The following ZFAT variants were observed in gnomAD, a reference collection of about 807,000 sequenced individuals.
ZFAT encodes the protein zinc finger and AT-hook domain containing.
A neutral mutation model predicts 117.7 loss-of-function variants in ZFAT; 64 were observed. The observed-to-expected ratio is 0.54, with a 90% CI of 0.44 to 0.67. ZFAT has a LOEUF of 0.67. ZFAT is among the 30% of genes least tolerant of loss of function. The pLI is 0.00. For missense variants in ZFAT, 1,433 were observed against 1,584.5 expected (o/e 0.90, Z 1.62); for synonymous variants, 679 against 615.0 (o/e 1.10, Z -1.54).
chr8:134,804,420 T>G, the ZFAT span, among the ~76,000 whole-genome samples: 7 of 152,032 alleles, frequency 4.6e-5, no homozygotes, highest in Non-Finnish European at 1.0e-4. Context: ...CGGAGAAAAA[T>G]GTTGCACACA....
At chr8:134,788,529 G>T in the ZFAT span, among the ~76,000 whole-genome samples, 6 of 151,938 alleles carry the variant, frequency 3.9e-5, no homozygotes, top group Non-Finnish European at 8.8e-5. Context: ...ACTCAAAATA[G>T]GGTAAATTTT....
chr8:134,738,075 T>C, the ZFAT span, among the ~76,000 whole-genome samples: 1 of 152,308 alleles, frequency 6.6e-6, no homozygotes, highest in East Asian at 1.9e-4. Flanking sequence ...CTTGTCATTA[T>C]CTCAGTTCCT....
chr8:134,703,463 C>T (rs980490652), intron 1 of ZFAT, among the ~76,000 whole-genome samples: 3 of 152,220 alleles, frequency 2.0e-5, no homozygotes, highest in Non-Finnish European at 4.4e-5. Context: ...GGCCACCTAA[C>T]GGCTCATGCC....
chr8:134,758,551 C>T, the ZFAT span, among the ~76,000 whole-genome samples: 2 of 152,188 alleles, frequency 1.3e-5, no homozygotes, highest in Non-Finnish European at 2.9e-5. Context: ...AGGCTTGTTG[C>T]CTCATGTTTG....
chr8:134,576,694 T>G (rs1301001832), intron 10 of ZFAT, among the ~76,000 whole-genome samples: 1 of 152,006 alleles, frequency 6.6e-6, no homozygotes, highest in Non-Finnish European at 1.5e-5. Context: ...CAAAACTCCA[T>G]ACTTAGATCT....
intron 11 of ZFAT, among the ~76,000 whole-genome samples, chr8:134,536,723 G>A (rs945491644): frequency 3.9e-5 from 6 of 152,146 alleles, no homozygotes; most frequent in African/African-American, 1.2e-4. Context: ...GGAATACATG[G>A]CAAATGAGGC....
intron 11 of ZFAT, among the ~76,000 whole-genome samples, chr8:134,556,050 A>C (rs1254169332): frequency 2.1e-5 from 2 of 93,270 alleles, no homozygotes; most frequent in African/African-American, 3.9e-5. Flanking sequence ...GAAGGAAGGA[A>C]GGAAGGAAGG....
intron 3 of ZFAT, among the ~76,000 whole-genome samples, chr8:134,631,801 A>G (rs1336263861): frequency 6.6e-6 from 1 of 152,204 alleles, no homozygotes; most frequent in Non-Finnish European, 1.5e-5. Context: ...ACTGCGCTAG[A>G]GTTGTGTAGG....
At chr8:134,519,864 T>C (rs556521556) in intron 13 of ZFAT, among the ~76,000 whole-genome samples, 1 of 152,276 alleles carries the variant, frequency 6.6e-6, no homozygotes, top group African/African-American at 2.4e-5. Context: ...TCAAATTCTA[T>C]TTACTCTTTT....
Position 134,657,578 on chromosome 8 carries a change from G to C in ZFAT, c.179C>G (p.Ser60Ter). 6.2e-7 allele frequency: 1 copy of C among 1,612,092 alleles called. No individual in the cohort carries two copies. Among genetic ancestry groups the C allele is most frequent in the Non-Finnish European group, 8.5e-7 (1 of 1,178,724 alleles). The change falls in exon 2 of 16, where the codon TCA (serine) becomes TGA (stop). Residue 60 changes from serine to a stop codon, truncating the protein, a stop_gained. Transcript: ENST00000377838. LOFTEE classifies it high-confidence loss of function. ...CCCCTTACCATCTCCGGTTTTGCTT[G>C]AGTTGGGGGGTTCAGGTGTACTCAG... ...RPLSTPEPPNSSKTGDEFLVM... is the reference protein window; with the variant it reads ...RPLSTPEPPN
At chr8:134,755,832 AAAAAG>A in the ZFAT span, among the ~76,000 whole-genome samples, 1 of 150,844 alleles carries the variant, frequency 6.6e-6, no homozygotes, top group African/African-American at 2.4e-5. Context: ...AAAAAAAAAA[AAAAAG>A]AAAAAGAAAA....
rs869042256 is a variant in ZFAT, at chr8:134,638,565, C to CAAA, written c.197-856_197-854dup. On this transcript the variant is annotated intron_variant, in intron 2 of 15. Coordinates refer to ENST00000377838, the MANE Select transcript of ZFAT (RefSeq NM_020863.4). ...CTAAAAATACAAAAAAAAAACAAAA[C>CAAA]AAAAAAAAAAAACATTAACCAGGCG... Among the ~76,000 whole-genome samples, 2 of 64,996 alleles carry CAAA rather than the reference C, an allele frequency of 3.1e-5. 1 individual carries two copies. The highest frequency in any genetic ancestry group is 5.3e-5 in the Non-Finnish European group (2 of 37,666). The allele number at this position is 64,996 out of a possible 152,430, so 42.6% of individuals were successfully genotyped here.
At chr8:134,827,528 G>A in the ZFAT span, among the ~76,000 whole-genome samples, 2 of 151,958 alleles carry the variant, frequency 1.3e-5, no homozygotes, top group African/African-American at 4.8e-5. Context: ...AGCACTTTGG[G>A]GGGCCCAGGA....
At chr8:134,679,693 C>A (rs536888295) in intron 1 of ZFAT, among the ~76,000 whole-genome samples, 1 of 152,108 alleles carries the variant, frequency 6.6e-6, no homozygotes, top group Admixed American at 6.5e-5. Context: ...AACCCAAATG[C>A]CCATCAGTGA....
chr8:134,825,753 G>T, the ZFAT span, among the ~76,000 whole-genome samples: 4 of 152,332 alleles, frequency 2.6e-5, no homozygotes, highest in Non-Finnish European at 2.9e-5. Flanking sequence ...GGGCGCGGTG[G>T]CTCATGCCTG....
intron 11 of ZFAT, among the ~76,000 whole-genome samples, chr8:134,540,837 A>T (rs1563825958): frequency 6.6e-6 from 1 of 152,224 alleles, no homozygotes; most frequent in Admixed American, 6.5e-5. Context: ...ATTTTTATGA[A>T]CTATATCTAA....
At chr8:134,824,797 T>C in the ZFAT span, among the ~76,000 whole-genome samples, 1 of 152,230 alleles carries the variant, frequency 6.6e-6, no homozygotes, top group African/African-American at 2.4e-5. Flanking sequence ...ACCAGCTTTT[T>C]CACTCAAGTT....
chr8:134,590,812 CCAT>C (rs1244360250), intron 7 of ZFAT, among the ~76,000 whole-genome samples: 13 of 150,538 alleles, frequency 8.6e-5, no homozygotes, highest in East Asian at 5.8e-4. Context: ...ACCACCACCA[CCAT>C]CAACATCACC....
At chr8:134,740,194 G>A in the ZFAT span, among the ~76,000 whole-genome samples, 242 of 152,302 alleles carry the variant, frequency 1.6e-3, 1 homozygote, top group African/African-American at 5.4e-3. Context: ...ACTCTCAGAC[G>A]GGAGGCACCC....
Sources: allele counts gnomAD v4.1 joint callset (sites outside exome capture counted in the v4.1 genomes callset), GRCh38; gene constraint gnomAD v4.1.1; transcripts MANE v1.5; gene names NCBI Gene and HGNC (gene_info 2026-07-23, HGNC 2026-07-21).